DPYSL3: variants seen among roughly 807,000 people sequenced by gnomAD.
The protein encoded by DPYSL3 is dihydropyrimidinase-related protein 3.
In DPYSL3, 16 loss-of-function variants were observed where a neutral mutation model predicts 66.1. The observed-to-expected ratio is 0.24, with a 90% confidence interval of 0.16 to 0.37. The LOEUF is 0.37. Ranked by LOEUF, DPYSL3 falls within the 10% of genes least tolerant of loss-of-function variation. The probability of loss-of-function intolerance (pLI) is 1.00; values close to 1 mark genes in which losing one functional copy is unlikely to be tolerated. For synonymous variants in DPYSL3, 338 were observed against 345.1 expected (o/e 0.98, Z 0.23); for missense variants, 738 against 916.2 (o/e 0.81, Z 2.51).
chr5:147,405,511 G>A, intron 8 of DPYSL3, 99 bp downstream of exon 8: 1 of 1,449,470 alleles, frequency 6.9e-7, no homozygotes, highest in Non-Finnish European at 9.2e-7. Flanking sequence ...GCAAGGCAAT[G>A]AGCAAAGTAG....
intron 1 of DPYSL3, among the ~76,000 whole-genome samples, chr5:147,462,583 C>A (rs1051210854): frequency 6.6e-6 from 1 of 152,108 alleles, no homozygotes; most frequent in Non-Finnish European, 1.5e-5. Flanking sequence ...GGAACTCCTG[C>A]AATGAAGGAA....
intron 13 of DPYSL3, 32 bp downstream of exon 13, chr5:147,395,527 C>T (rs772969499): frequency 5.7e-6 from 9 of 1,586,618 alleles, no homozygotes; most frequent in Non-Finnish European, 7.7e-6. Flanking sequence ...CTTCCCCCTT[C>T]TCTTATCTTT....
chr5:147,433,469 G>A (rs1752353140), intron 1 of DPYSL3, among the ~76,000 whole-genome samples: 1 of 152,166 alleles, frequency 6.6e-6, no homozygotes, highest in East Asian at 1.9e-4. Context: ...AAGAAAACCA[G>A]CCTAATAGCA....
In DPYSL3 at chr5:147,395,553, A is replaced by C; in HGVS notation, c.1966+6T>G. The stretch of plus-strand genomic sequence containing the variant: ...TCTTATCTTTTGATGAGCCTGTCCC[A>C]CTCACCTGACAGGCTAAATCCCGAC... On this transcript the variant is annotated splice_donor_region_variant and intron_variant, in intron 13 of 13. Coordinates refer to ENST00000343218, the MANE Select transcript of DPYSL3 (RefSeq NM_001197294.2). The C allele has an allele frequency of 1.2e-6, 2 of 1,608,272 alleles. No homozygotes were observed. The highest frequency in any genetic ancestry group is 2.2e-5 in the South Asian group (2 of 90,042).
At chr5:147,397,882 GTA>G (rs1491378143) in intron 11 of DPYSL3, 37 bp from the exon 12 acceptor site, 1 of 1,525,700 alleles carries the variant, frequency 6.6e-7, no homozygotes, top group Non-Finnish European at 8.8e-7. Flanking sequence ...CACAGTAAGG[GTA>G]GAGAAAGAGG....
intron 1 of DPYSL3, among the ~76,000 whole-genome samples, chr5:147,496,492 C>G (rs900317203): frequency 4.0e-5 from 6 of 151,732 alleles, no homozygotes; most frequent in African/African-American, 1.5e-4. Context: ...ATTTTTGCAA[C>G]CTACTCATCT....
chr5:147,415,558 G>A, intron 4 of DPYSL3, 151 bp downstream of exon 4: 1 of 923,910 alleles, frequency 1.1e-6, no homozygotes, highest in Non-Finnish European at 1.6e-6. Flanking sequence ...TAAATAAAGT[G>A]CCTGGAACAT....
chr5:147,497,896 TTCTCTC>T (rs34530065), intron 1 of DPYSL3, among the ~76,000 whole-genome samples: 1 of 149,656 alleles, frequency 6.7e-6, no homozygotes, highest in South Asian at 2.1e-4. Flanking sequence ...CTTCCTTCCC[TTCTCTC>T]TCTCTCTCTC....
chr5:147,491,997 T>A (rs1753423343), intron 1 of DPYSL3, among the ~76,000 whole-genome samples: 1 of 151,972 alleles, frequency 6.6e-6, no homozygotes, highest in Non-Finnish European at 1.5e-5. Context: ...CACATAGACA[T>A]ATATTCAAAT....
chr5:147,445,753 G>C (rs1752619565), intron 1 of DPYSL3, among the ~76,000 whole-genome samples: 1 of 152,184 alleles, frequency 6.6e-6, no homozygotes, highest in East Asian at 1.9e-4. Context: ...TGTTTGGCCA[G>C]TCTAGATTTT....
At chr5:147,411,300 C>T (rs1341335074) in intron 6 of DPYSL3, among the ~76,000 whole-genome samples, 1 of 152,140 alleles carries the variant, frequency 6.6e-6, no homozygotes, top group Non-Finnish European at 1.5e-5. Context: ...CTTACCTCAC[C>T]TCCCCCACCA....
At chr5:147,425,107 A>G (rs1752171790) in intron 1 of DPYSL3, 144 bp from the exon 2 acceptor site, 1 of 553,056 alleles carries the variant, frequency 1.8e-6, no homozygotes, top group Non-Finnish European at 3.2e-6. Flanking sequence ...TGCACTCAAC[A>G]TTTAAAGTAG....
intron 1 of DPYSL3, among the ~76,000 whole-genome samples, chr5:147,502,104 G>A (rs1027724677): frequency 2.0e-5 from 3 of 152,032 alleles, no homozygotes; most frequent in African/African-American, 7.2e-5. Flanking sequence ...GGTGGAGGCC[G>A]GCTTTCTGAC....
Position 147,393,013 on chromosome 5 carries a change from A to G in DPYSL3, c.*1022T>C, listed in dbSNP as rs952024911. ...TGCCAGGATCGAGAGAATCAAACAC[A>G]AACTGCCTGTAAGAGAGGCCCTTCA... On this transcript the variant is annotated 3_prime_UTR_variant, in exon 14 of 14. Transcript: ENST00000343218. The G allele has an allele frequency of 1.3e-5, 2 of 152,236 alleles. No homozygotes were observed. The highest frequency in any genetic ancestry group is 4.8e-5 in the African/African-American group (2 of 41,458). 9.4% of individuals were successfully genotyped at this position (152,236 alleles called of 1,614,324 possible).
chr5:147,424,840 G>A (rs748050124), intron 2 of DPYSL3, 35 bp downstream of exon 2: 5 of 1,489,296 alleles, frequency 3.4e-6, no homozygotes, highest in Non-Finnish European at 4.6e-6. Context: ...AGGAGGAAGT[G>A]CAAAACAATA....
At chr5:147,416,175 A>T (rs774437101) in intron 3 of DPYSL3, among the ~76,000 whole-genome samples, 7 of 152,014 alleles carry the variant, frequency 4.6e-5, no homozygotes, top group Non-Finnish European at 8.8e-5. Context: ...TATAAGATTA[A>T]ATGGGAAAAT....
chr5:147,447,669 G>C lies in DPYSL3; in HGVS notation c.382-22706C>G, dbSNP rs138036058. 3.5e-3 allele frequency among the ~76,000 whole-genome samples: 528 copies of C among 152,184 alleles called. 3 individuals are homozygous for C. The highest frequency in any genetic ancestry group is 0.012 in the African/African-American group (491 of 41,508). On this transcript the variant is annotated intron_variant, in intron 1 of 13. Transcript: ENST00000343218. ...GTGGATCACCTGAGGTCGGGAGTTC[G>C]AGACCAGCCTGACCAACATGGAGAA...
chr5:147,404,649 A>C (rs761001947), intron 8 of DPYSL3, among the ~76,000 whole-genome samples: 1 of 152,220 alleles, frequency 6.6e-6, no homozygotes, highest in Non-Finnish European at 1.5e-5. Flanking sequence ...CGAGTCTGAC[A>C]CTGAGGATGA....
intron 1 of DPYSL3, among the ~76,000 whole-genome samples, chr5:147,467,362 T>C (rs1753025711): frequency 6.6e-6 from 1 of 152,212 alleles, no homozygotes; most frequent in African/African-American, 2.4e-5. Flanking sequence ...GAGTTGCTGG[T>C]GTATATCATT....
Sources: allele counts gnomAD v4.1 joint callset (sites outside exome capture counted in the v4.1 genomes callset), GRCh38; gene constraint gnomAD v4.1.1; transcripts MANE v1.5; gene names NCBI Gene and HGNC (gene_info 2026-07-23, HGNC 2026-07-21).